Variants in DAGLA observed in about 807,000 individuals in gnomAD.
DAGLA encodes diacylglycerol lipase alpha.
Under a neutral mutation model 102.6 loss-of-function variants are expected in DAGLA, and 22 were observed. The ratio of observed to expected loss-of-function variants is 0.21; its 90% CI spans 0.15 to 0.31. The LOEUF is 0.31. Among genes scored for constraint, DAGLA ranks in the 10% least tolerant of loss-of-function variants. The pLI is 1.00. For missense variants in DAGLA, 927 were observed against 1,446.6 expected, an observed-to-expected ratio of 0.64 and a Z score of 5.83; for synonymous variants, 578 against 628.9, an observed-to-expected ratio of 0.92 and a Z score of 1.21.
chr11:61,707,704 C>T (rs917742117), intron 1 of DAGLA, among the ~76,000 whole-genome samples: 2 of 152,164 alleles, frequency 1.3e-5, no homozygotes, highest in African/African-American at 2.4e-5. Flanking sequence ...CATGTCGGGG[C>T]GGAGTGCCCA....
chr11:61,712,653 C>G (rs1407702483), intron 1 of DAGLA, among the ~76,000 whole-genome samples: 3 of 152,186 alleles, frequency 2.0e-5, no homozygotes, highest in African/African-American at 4.8e-5. Context: ...TGCACACACC[C>G]AGGTACAGGC....
In DAGLA at chr11:61,744,252, C is replaced by G. The variant is rs749185685; in HGVS notation, c.2892C>G (p.Phe964Leu). Reference sequence around the variant, plus strand: ...AAGAGATCCTGCTCCGTGCCCAGTTCGAGCCCAACCTGGTGCCCAAGCCCC... The same window carrying G: ...AAGAGATCCTGCTCCGTGCCCAGTTGGAGCCCAACCTGGTGCCCAAGCCCC... ...SQQEILLRAQ[F>L]EPNLVPKPPR... Residue 964 changes from phenylalanine to leucine, a missense_variant, in exon 20 of 20, where the codon TTC becomes TTG. Transcript: ENST00000257215. 1 of 1,613,066 alleles carries G rather than the reference C, an allele frequency of 6.2e-7. No homozygotes were observed. Among genetic ancestry groups the G allele is most frequent in the East Asian group, 2.2e-5 (1 of 44,876 alleles).
In DAGLA at chr11:61,734,782, A is replaced by T; in HGVS notation, c.975-67A>T. On this transcript the variant is annotated intron_variant, in intron 9 of 19. Coordinates refer to ENST00000257215, the MANE Select transcript of DAGLA (RefSeq NM_006133.3). The surrounding 1 kb of genome is among the most constrained non-coding windows in gnomAD (Gnocchi z 4.2). ...CCCAACTGGAACTGGTTCCAGGGACAGTGGCAGGAGACATTTGTTCCCTCG... is the reference window on the plus strand; with the variant it reads ...CCCAACTGGAACTGGTTCCAGGGACTGTGGCAGGAGACATTTGTTCCCTCG... 6.7e-7 allele frequency: 1 copy of T among 1,490,874 alleles called. No homozygotes were observed. The highest frequency in any genetic ancestry group is 9.2e-7 in the Non-Finnish European group (1 of 1,086,626). 92.4% of individuals were successfully genotyped at this position (1,490,874 alleles called of 1,614,324 possible).
intron 2 of DAGLA, 138 bp downstream of exon 2, chr11:61,720,388 T>A: frequency 1.2e-6 from 1 of 842,286 alleles, no homozygotes; most frequent in Non-Finnish European, 1.9e-6. Context: ...AGGAGGTGCC[T>A]GAAACATCTA....
intron 1 of DAGLA, among the ~76,000 whole-genome samples, chr11:61,694,434 G>A (rs2065047777): frequency 6.6e-6 from 1 of 152,228 alleles, no homozygotes; most frequent in Admixed American, 6.5e-5. Flanking sequence ...CAGGAGGAAG[G>A]GAGACCAATG....
At chr11:61,702,210 TTC>T (rs1038367978) in intron 1 of DAGLA, among the ~76,000 whole-genome samples, 2 of 152,150 alleles carry the variant, frequency 1.3e-5, no homozygotes, top group Non-Finnish European at 2.9e-5. Flanking sequence ...CCATGTTAGG[TTC>T]TCTCTCTCTT....
chr11:61,737,148 G>T (rs749634160), intron 13 of DAGLA, 34 bp from the exon 14 acceptor site: 2 of 1,612,330 alleles, frequency 1.2e-6, no homozygotes, highest in African/African-American at 2.7e-5. Flanking sequence ...GGCGGGCATT[G>T]GGGCAGGGCT....
chr11:61,718,374 G>A (rs1258316019), intron 1 of DAGLA, among the ~76,000 whole-genome samples: 4 of 152,042 alleles, frequency 2.6e-5, no homozygotes, highest in Admixed American at 2.0e-4. Flanking sequence ...CCCTGAGCCC[G>A]ACCCAGCGCT....
At chr11:61,741,090 G>C in intron 18 of DAGLA, 72 bp from the exon 19 acceptor site, 1 of 1,437,314 alleles carries the variant, frequency 7.0e-7, no homozygotes. Context: ...CCTGGGCCCT[G>C]GCTCCACATC....
intron 1 of DAGLA, among the ~76,000 whole-genome samples, chr11:61,688,651 G>T (rs190029269): frequency 6.6e-6 from 1 of 152,178 alleles, no homozygotes; most frequent in Non-Finnish European, 1.5e-5. Flanking sequence ...GGGGGCCCGT[G>T]GGGGGTTCTG....
intron 17 of DAGLA, among the ~76,000 whole-genome samples, chr11:61,739,930 C>G (rs1467694841): frequency 6.6e-6 from 1 of 152,202 alleles, no homozygotes; most frequent in Non-Finnish European, 1.5e-5. Flanking sequence ...CAGGGCAGCT[C>G]TCCCCACTGG....
chr11:61,735,538 C>A (rs1233799248), intron 10 of DAGLA, 23 bp from the exon 11 acceptor site: 1 of 1,611,286 alleles, frequency 6.2e-7, no homozygotes, highest in Non-Finnish European at 8.5e-7. Flanking sequence ...GCCGCTCAGG[C>A]TCACGAGCTG....
rs1255793680 is a variant in DAGLA at position 61,684,833 on chromosome 11, C to T, written c.-45+4329C>T. 6.6e-5 allele frequency among the ~76,000 whole-genome samples: 10 copies of T among 151,956 alleles called. No homozygotes were observed. Among genetic ancestry groups the T allele is most frequent in the East Asian group, 1.9e-4 (1 of 5,190 alleles). On this transcript the variant is annotated intron_variant, in intron 1 of 19. Transcript: ENST00000257215. This position sits in a 1 kb window ranked among gnomAD's most constrained non-coding sequence, Gnocchi z 4.5. ...GTGGGTGTGCGGAGCTGGGGGTTGC[C>T]GGGCTCTTCACAGCAGGAGGGAACA... is the stretch of plus-strand genomic sequence containing the variant.
intron 1 of DAGLA, among the ~76,000 whole-genome samples, chr11:61,681,446 C>CGGT (rs1444349243): frequency 6.6e-6 from 1 of 152,034 alleles, no homozygotes; most frequent in Non-Finnish European, 1.5e-5. Flanking sequence ...CAGTGGTGAT[C>CGGT]GGTGTCCCAG....
intron 1 of DAGLA, among the ~76,000 whole-genome samples, chr11:61,689,698 G>T (rs1020497590): frequency 2.6e-5 from 4 of 152,120 alleles, no homozygotes; most frequent in Non-Finnish European, 5.9e-5. Context: ...TAGAGACAGG[G>T]TTTCACCGTG....
At chr11:61,696,714 G>A (rs1471967819) in intron 1 of DAGLA, among the ~76,000 whole-genome samples, 3 of 152,176 alleles carry the variant, frequency 2.0e-5, no homozygotes, top group Admixed American at 6.5e-5. Context: ...CAAGGTTTGC[G>A]TGAAGCACAT....
At position 61,744,380 on chromosome 11, in the gene DAGLA, G is replaced by T. The variant is rs1380773814; in HGVS notation, c.3020G>T (p.Gly1007Val). Residue 1007 changes from glycine (G) to valine (V), a missense_variant, in exon 20 of 20, where the codon GGC (glycine) becomes GTC (valine). By Grantham distance (109) the Gly-to-Val change is moderately radical. Transcript: ENST00000257215. Reference protein sequence around the residue: ...SGELMDLTPTGLSSQECLAAD... With the variant: ...SGELMDLTPTVLSSQECLAAD... ...GAGCTCATGGACCTGACGCCCACGG[G>T]CCTCAGTAGCCAGGAATGCCTGGCG... is the stretch of plus-strand genomic sequence containing the variant. 8 of 1,611,450 alleles carry T rather than the reference G, an allele frequency of 5.0e-6. No homozygotes were observed. Among genetic ancestry groups the T allele is most frequent in the Non-Finnish European group, 6.8e-6 (8 of 1,179,012 alleles).
chr11:61,740,726 C>A, intron 18 of DAGLA, 134 bp downstream of exon 18: 1 of 1,157,618 alleles, frequency 8.6e-7, no homozygotes, highest in Non-Finnish European at 1.2e-6. Context: ...GGTAGCTGGG[C>A]CAGAAAGCCC....
chr11:61,717,372 A>ACC (rs2065243922), intron 1 of DAGLA, among the ~76,000 whole-genome samples: 2 of 149,176 alleles, frequency 1.3e-5, no homozygotes, highest in Admixed American at 6.7e-5. Flanking sequence ...TGCCACCCCC[A>ACC]CCCCAGACCT....
Sources: allele counts gnomAD v4.1 joint callset (sites outside exome capture counted in the v4.1 genomes callset), GRCh38; gene constraint gnomAD v4.1.1; non-coding constraint Gnocchi (gnomAD v3.1); transcripts MANE v1.5; gene names NCBI Gene and HGNC (gene_info 2026-07-23, HGNC 2026-07-21).